Variants in GRHL2 observed in about 807,000 individuals in gnomAD.
The protein encoded by GRHL2 is grainyhead-like protein 2 homolog.
GRHL2 carries 21 observed loss-of-function variants against 83.8 expected under a neutral mutation model. The observed-to-expected ratio is 0.25, with a 90% CI of 0.18 to 0.36. GRHL2 has a LOEUF of 0.36. GRHL2 is among the 10% of genes least tolerant of loss of function. The probability of loss-of-function intolerance (pLI) is 1.00; values close to 1 mark genes in which losing one functional copy is unlikely to be tolerated. For synonymous variants in GRHL2, 280 were observed against 278.9 expected (o/e 1.00, Z -0.04); for missense variants, 623 against 781.8 (o/e 0.80, Z 2.42).
At chr8:101,585,811 A>T (rs187363650) in intron 7 of GRHL2, among the ~76,000 whole-genome samples, 12 of 152,314 alleles carry the variant, frequency 7.9e-5, no homozygotes, top group African/African-American at 2.9e-4. Context: ...AATAATTTTC[A>T]ATCATAATTG....
intron 1 of GRHL2, among the ~76,000 whole-genome samples, chr8:101,493,835 A>G (rs1316103454): frequency 1.3e-5 from 2 of 151,530 alleles, no homozygotes; most frequent in East Asian, 2.0e-4. Flanking sequence ...CCCGCGGGTC[A>G]CTGGGCCCGG....
chr8:101,601,439 T>G (rs1436826643), intron 8 of GRHL2, among the ~76,000 whole-genome samples: 1 of 152,192 alleles, frequency 6.6e-6, no homozygotes, highest in Non-Finnish European at 1.5e-5. Context: ...ATAGTTAATG[T>G]GGAGTTGAGT....
chr8:101,528,227 TTTTG>T (rs940871042), intron 1 of GRHL2, among the ~76,000 whole-genome samples: 16 of 152,212 alleles, frequency 1.1e-4, no homozygotes, highest in Non-Finnish European at 5.9e-5. Flanking sequence ...TCTTATGATT[TTTTG>T]TTTGTTTAAA....
intron 1 of GRHL2, among the ~76,000 whole-genome samples, chr8:101,541,180 GTGTGT>G (rs1811147095): frequency 7.1e-6 from 1 of 141,804 alleles, no homozygotes; most frequent in Admixed American, 7.3e-5. Context: ...GTGTGTGTGT[GTGTGT>G]GTGTGTACAC....
intron 7 of GRHL2, among the ~76,000 whole-genome samples, chr8:101,597,019 G>A (rs184502568): frequency 6.6e-6 from 1 of 152,316 alleles, no homozygotes; most frequent in East Asian, 1.9e-4. Context: ...GAACTTAAAA[G>A]CGGTAGAAGA....
chr8:101,579,420 G>A (rs956984545), intron 7 of GRHL2, among the ~76,000 whole-genome samples: 1 of 152,114 alleles, frequency 6.6e-6, no homozygotes, highest in Non-Finnish European at 1.5e-5. Context: ...CCTGCCTTCA[G>A]ACTTTTCTTT....
chr8:101,607,944 T>G (rs1812664064), intron 8 of GRHL2, among the ~76,000 whole-genome samples: 1 of 152,220 alleles, frequency 6.6e-6, no homozygotes, highest in South Asian at 2.1e-4. Flanking sequence ...TGTTAGAATG[T>G]GAAGTATCCA....
intron 12 of GRHL2, among the ~76,000 whole-genome samples, chr8:101,637,502 T>A (rs1813313479): frequency 6.6e-6 from 1 of 152,234 alleles, no homozygotes. Flanking sequence ...ACATCCTGAA[T>A]GTGGTCCTGC....
At chr8:101,616,727 G>T (rs1341432858) in intron 8 of GRHL2, among the ~76,000 whole-genome samples, 1 of 152,064 alleles carries the variant, frequency 6.6e-6, no homozygotes, top group South Asian at 2.1e-4. Flanking sequence ...GTCACTGCTG[G>T]ATCACTCGTC....
At chr8:101,516,004 C>G (rs1810565504) in intron 1 of GRHL2, among the ~76,000 whole-genome samples, 2 of 152,192 alleles carry the variant, frequency 1.3e-5, no homozygotes, top group South Asian at 4.1e-4. Context: ...GGTCACAGGG[C>G]TGACAGGCAG....
Position 101,551,623 on chromosome 8 carries a change from AAAAG to A in GRHL2, c.217-1072_217-1069del, listed in dbSNP as rs534207443. On this transcript the variant is annotated intron_variant, in intron 2 of 15. Transcript: ENST00000646743. The stretch of plus-strand genomic sequence containing the variant: ...GGAAGATCTGGAGATAGAGCAAAAA[AAAAG>A]AAAGAAAGAAAGAAAGAAAAATACA... Among the ~76,000 whole-genome samples the A allele has an allele frequency of 2.6e-3, 391 of 151,320 alleles. 1 individual carries two copies. The highest frequency in any genetic ancestry group is 5.7e-3 in the African/African-American group (235 of 41,076).
At position 101,552,652 on chromosome 8, in the gene GRHL2, A is replaced by G. The variant is rs1253341501; in HGVS notation, c.217-63A>G. 10 of 1,487,440 alleles carry G rather than the reference A, an allele frequency of 6.7e-6. No homozygotes were observed. In the Admixed American group the frequency reaches 1.0e-4, roughly 15 times the overall value. 92.1% of individuals were successfully genotyped at this position (1,487,440 alleles called of 1,614,324 possible). ...GGTTTCTTTGCTTATGCCGGTGTCC[A>G]GCTCTGAACATGGTCATGGTTGCCT... On this transcript the variant is annotated intron_variant, in intron 2 of 15. Transcript: ENST00000646743.
chr8:101,589,897 C>G (rs1586124202), intron 7 of GRHL2, among the ~76,000 whole-genome samples: 1 of 152,182 alleles, frequency 6.6e-6, no homozygotes, highest in East Asian at 1.9e-4. Flanking sequence ...TCAAAGGCCT[C>G]TGGCATGTAT....
At chr8:101,509,024 C>G (rs1034137855) in intron 1 of GRHL2, among the ~76,000 whole-genome samples, 5 of 151,972 alleles carry the variant, frequency 3.3e-5, no homozygotes, top group African/African-American at 1.2e-4. Context: ...TTTCAAAGGT[C>G]TGCCACTATT....
chr8:101,553,623 C>CTTTTTTT (rs1184533206), intron 3 of GRHL2, among the ~76,000 whole-genome samples: 15 of 106,844 alleles, frequency 1.4e-4, no homozygotes, highest in African/African-American at 4.8e-4. Flanking sequence ...TCATCCACTT[C>CTTTTTTT]TTTTTTTTTT....
intron 4 of GRHL2, among the ~76,000 whole-genome samples, chr8:101,566,578 AAAT>A (rs1157579770): frequency 1.5e-5 from 2 of 133,158 alleles, no homozygotes; most frequent in African/African-American, 2.5e-5. Context: ...ATAATAATAT[AAAT>A]ATAATAATAT....
At chr8:101,603,307 T>C (rs891625682) in intron 8 of GRHL2, among the ~76,000 whole-genome samples, 4 of 152,208 alleles carry the variant, frequency 2.6e-5, no homozygotes, top group Non-Finnish European at 5.9e-5. Flanking sequence ...AGCTTTTATT[T>C]GGATATTTAA....
chr8:101,652,688 G>A (rs1813698729), intron 14 of GRHL2, among the ~76,000 whole-genome samples: 1 of 151,690 alleles, frequency 6.6e-6, no homozygotes, highest in African/African-American at 2.4e-5. Flanking sequence ...GAAAACCTGT[G>A]TTCAAATTCT....
chr8:101,603,214 A>G (rs1232711782), intron 8 of GRHL2, among the ~76,000 whole-genome samples: 1 of 152,228 alleles, frequency 6.6e-6, no homozygotes, highest in African/African-American at 2.4e-5. Flanking sequence ...ATATCAGAGG[A>G]GACCTTCTAA....
Sources: allele counts gnomAD v4.1 joint callset (sites outside exome capture counted in the v4.1 genomes callset), GRCh38; gene constraint gnomAD v4.1.1; transcripts MANE v1.5; gene names NCBI Gene and HGNC (gene_info 2026-07-23, HGNC 2026-07-21).